Variants in CEP112 observed in about 807,000 individuals in gnomAD.
CEP112 encodes the protein centrosomal protein of 112 kDa.
Under a neutral mutation model 153.0 loss-of-function variants are expected in CEP112, and 127 were observed. The ratio of observed to expected loss-of-function variants is 0.83; its 90% CI spans 0.72 to 0.96. The LOEUF is 0.96. Ranked by LOEUF, CEP112 falls within the 40% of genes least tolerant of loss-of-function variation. CEP112 has a pLI of 0.00. For missense variants in CEP112, 1,089 were observed against 1,101.2 expected, an observed-to-expected ratio of 0.99 and a Z score of 0.16; for synonymous variants, 358 against 374.4, an observed-to-expected ratio of 0.96 and a Z score of 0.51.
In CEP112 at chr17:65,851,897, C is replaced by T. The variant is rs774670507; in HGVS notation, c.2301G>A (p.Glu767=). The T allele has an allele frequency of 1.2e-6, 2 of 1,614,066 alleles. No homozygotes were observed. The highest frequency in any genetic ancestry group is 4.5e-5 in the East Asian group (2 of 44,890). ...CAGCCTTCAGTTTATTGACGACAAT[C>T]TCATGTTCCCTTGTAGCCCTTTGCT... The part of the protein sequence containing the change: ...EEKQRATREH[E]IVVNKLKAES... The change falls in exon 21 of 27, where the codon GAG becomes GAA. Residue 767 remains glutamate, a synonymous_variant. Coordinates refer to ENST00000535342, the MANE Select transcript of CEP112 (RefSeq NM_001199165.4).
intron 6 of CEP112, among the ~76,000 whole-genome samples, chr17:66,126,873 C>T (rs917672421): frequency 6.6e-6 from 1 of 152,078 alleles, no homozygotes; most frequent in Non-Finnish European, 1.5e-5. Flanking sequence ...TAGTCCAGAG[C>T]ACAAAAATTA....
At chr17:66,179,140 T>C (rs2146891944) in intron 2 of CEP112, among the ~76,000 whole-genome samples, 1 of 152,308 alleles carries the variant, frequency 6.6e-6, no homozygotes, top group African/African-American at 2.4e-5. Context: ...CCTCCAGTTT[T>C]ATTATTTTTG....
At chr17:65,986,448 T>C (rs985759008) in intron 17 of CEP112, among the ~76,000 whole-genome samples, 3 of 152,198 alleles carry the variant, frequency 2.0e-5, no homozygotes, top group South Asian at 2.1e-4. Context: ...TCTTCTATGA[T>C]AATGCTTTTT....
At chr17:66,138,907 G>A (rs1184303492) in intron 4 of CEP112, among the ~76,000 whole-genome samples, 3 of 151,716 alleles carry the variant, frequency 2.0e-5, no homozygotes, top group African/African-American at 7.3e-5. Context: ...GCAAAATAAA[G>A]GAAATTAGAA....
intron 8 of CEP112, among the ~76,000 whole-genome samples, chr17:66,072,835 G>T (rs565921665): frequency 6.6e-6 from 1 of 152,040 alleles, no homozygotes. Context: ...AGAAATCCTG[G>T]ATGTATTATG....
intron 17 of CEP112, among the ~76,000 whole-genome samples, chr17:65,974,149 T>A (rs149934019): frequency 5.0e-4 from 76 of 152,048 alleles, no homozygotes; most frequent in Non-Finnish European, 9.3e-4. Flanking sequence ...AGATCACAAC[T>A]CACTGCAGCC....
intron 23 of CEP112, among the ~76,000 whole-genome samples, chr17:65,702,797 A>G (rs966369221): frequency 1.3e-5 from 2 of 152,184 alleles, no homozygotes; most frequent in African/African-American, 4.8e-5. Flanking sequence ...CACGTCTTAC[A>G]TGGAGGCAGG....
At chr17:66,183,124 C>A in intron 2 of CEP112, 70 bp downstream of exon 2, 1 of 1,066,910 alleles carries the variant, frequency 9.4e-7, no homozygotes, top group South Asian at 1.6e-5. Flanking sequence ...GTTGATAGTT[C>A]ATTGGTTTGA....
chr17:65,831,802 T>C (rs1429159404), intron 21 of CEP112, among the ~76,000 whole-genome samples: 2 of 152,084 alleles, frequency 1.3e-5, no homozygotes, highest in East Asian at 3.9e-4. Flanking sequence ...AGACAGAACA[T>C]ATAAAATTAC....
intron 23 of CEP112, among the ~76,000 whole-genome samples, chr17:65,689,696 A>T (rs1156771280): frequency 6.6e-6 from 1 of 152,158 alleles, no homozygotes. Flanking sequence ...TTCTTTATAA[A>T]GTCAGAGAGG....
chr17:65,717,586 T>G (rs1456657465), intron 23 of CEP112, among the ~76,000 whole-genome samples: 1 of 152,202 alleles, frequency 6.6e-6, no homozygotes, highest in Admixed American at 6.5e-5. Context: ...ATTTGACACT[T>G]GAACACGAAG....
Position 66,070,021 on chromosome 17 carries a change from AG to A in CEP112, c.769-21del, listed in dbSNP as rs751649670. 1.0e-5 allele frequency: 15 copies of A among 1,463,684 alleles called. No individual in the cohort carries two copies. The Middle Eastern group carries it at 7.0e-4, about 68-fold the overall frequency. The allele number at this position is 1,463,684 out of a possible 1,614,324, so 90.7% of individuals were successfully genotyped here. A position where few individuals can be genotyped will look rare whatever the true frequency, so the allele number is the denominator to read the frequency against. The stretch of plus-strand genomic sequence containing the variant: ...GTCCAGCTTCAAGAAAAATATTTCA[AG>A]GGTGTTATTAATTTACTTTCCCTTT... On this transcript the variant is annotated intron_variant, in intron 8 of 26. Coordinates refer to ENST00000535342, the MANE Select transcript of CEP112 (RefSeq NM_001199165.4).
chr17:65,965,194 C>T (rs1281758237), intron 17 of CEP112, among the ~76,000 whole-genome samples: 1 of 152,118 alleles, frequency 6.6e-6, no homozygotes, highest in Admixed American at 6.6e-5. Context: ...TTTATGACCA[C>T]ATAAATCAAA....
chr17:65,663,812 C>T lies in CEP112; in HGVS notation c.2698-22747G>A, dbSNP rs9894376. 6.6e-3 allele frequency among the ~76,000 whole-genome samples: 1,003 copies of T among 152,144 alleles called. 13 individuals are homozygous for T. Among genetic ancestry groups the T allele is most frequent in the African/African-American group, 0.023 (945 of 41,496 alleles). On this transcript the variant is annotated intron_variant, in intron 24 of 26. Transcript: ENST00000535342. ...TTAACCTATAAACATAATACAAGGCCGAGGCGGGCAGATCACGAGGTCAGG... is the reference window on the plus strand; with the variant it reads ...TTAACCTATAAACATAATACAAGGCTGAGGCGGGCAGATCACGAGGTCAGG...
chr17:65,747,761 G>A (rs562846206), intron 22 of CEP112, among the ~76,000 whole-genome samples: 1 of 152,236 alleles, frequency 6.6e-6, no homozygotes, highest in East Asian at 1.9e-4. Flanking sequence ...CTCAGAACGG[G>A]GCACAGGTCT....
intron 17 of CEP112, among the ~76,000 whole-genome samples, chr17:65,977,181 G>A (rs968624215): frequency 1.3e-5 from 2 of 152,146 alleles, no homozygotes; most frequent in African/African-American, 4.8e-5. Context: ...GCATGGTTGC[G>A]TTTCTTACAG....
chr17:66,054,179 T>C (rs1179640074), intron 11 of CEP112, among the ~76,000 whole-genome samples: 1 of 152,098 alleles, frequency 6.6e-6, no homozygotes, highest in Non-Finnish European at 1.5e-5. Context: ...ATAATACAAG[T>C]GAACATTACT....
chr17:65,982,659 C>G (rs1043956251), intron 17 of CEP112, among the ~76,000 whole-genome samples: 4 of 152,178 alleles, frequency 2.6e-5, no homozygotes, highest in Non-Finnish European at 5.9e-5. Context: ...GAGACCAATA[C>G]TGAAAGCCAA....
At chr17:66,171,450 G>A (rs2072239189) in intron 4 of CEP112, among the ~76,000 whole-genome samples, 1 of 152,166 alleles carries the variant, frequency 6.6e-6, no homozygotes, top group East Asian at 1.9e-4. Flanking sequence ...AATATTATAA[G>A]CCTCTTAAAC....
Sources: allele counts gnomAD v4.1 joint callset (sites outside exome capture counted in the v4.1 genomes callset), GRCh38; gene constraint gnomAD v4.1.1; transcripts MANE v1.5; gene names NCBI Gene and HGNC (gene_info 2026-07-23, HGNC 2026-07-21).